Variants in COL4A4 observed in about 807,000 individuals in gnomAD.
COL4A4 encodes collagen alpha-4(IV) chain.
Under a neutral mutation model 192.9 loss-of-function variants are expected in COL4A4, and 105 were observed. The observed-to-expected ratio is 0.54, with a 90% CI of 0.46 to 0.64. The LOEUF (loss-of-function observed/expected upper bound fraction) is 0.64. COL4A4 is among the 30% of genes least tolerant of loss of function. The pLI, the probability that COL4A4 is intolerant of heterozygous loss-of-function variation, is 0.00. For missense variants in COL4A4, 1,967 were observed against 2,169.3 expected (o/e 0.91, Z 1.85); for synonymous variants, 762 against 769.9 (o/e 0.99, Z 0.17).
chr2:227,078,924 A>G (rs2059179119), intron 24 of COL4A4, among the ~76,000 whole-genome samples: 1 of 152,190 alleles, frequency 6.6e-6, no homozygotes, highest in African/African-American at 2.4e-5. Flanking sequence ...AGTAAAATCA[A>G]TCCCCAGTTG....
chr2:226,976,693 G>A, the COL4A4 span, among the ~76,000 whole-genome samples: 1 of 152,142 alleles, frequency 6.6e-6, no homozygotes, highest in Non-Finnish European at 1.5e-5. Flanking sequence ...AGAAGGGAGG[G>A]TTAGGAGTAC....
chr2:227,050,314 T>C (rs1973810084), intron 33 of COL4A4, among the ~76,000 whole-genome samples, 183 bp from the exon 34 acceptor site: 1 of 152,246 alleles, frequency 6.6e-6, no homozygotes, highest in Non-Finnish European at 1.5e-5. Context: ...TTGATATAGC[T>C]TCTCCAGAAT....
At chr2:227,058,870 T>C (rs1035863640) in intron 28 of COL4A4, among the ~76,000 whole-genome samples, 1 of 151,908 alleles carries the variant, frequency 6.6e-6, no homozygotes, top group Non-Finnish European at 1.5e-5. Flanking sequence ...GAAAAGGATA[T>C]GAATCAGTGT....
chr2:227,125,912 C>T (rs2062058226), intron 4 of COL4A4, among the ~76,000 whole-genome samples: 1 of 152,154 alleles, frequency 6.6e-6, no homozygotes, highest in African/African-American at 2.4e-5. Flanking sequence ...AAGGCCGAGT[C>T]TAAGTGCCCA....
intron 23 of COL4A4, 142 bp downstream of exon 23, chr2:227,081,973 G>A: frequency 1.3e-6 from 1 of 778,688 alleles, no homozygotes; most frequent in Non-Finnish European, 2.3e-6. Context: ...CCTTATGAAG[G>A]GCAGGAAGTA....
the COL4A4 span, among the ~76,000 whole-genome samples, chr2:226,973,484 A>G: frequency 6.6e-6 from 1 of 152,196 alleles, no homozygotes; most frequent in African/African-American, 2.4e-5. Flanking sequence ...AACTGCCCCC[A>G]TTCTAAGATT....
downstream of COL4A4, among the ~76,000 whole-genome samples, chr2:227,000,183 C>A (rs1347669010): frequency 6.6e-6 from 1 of 152,134 alleles, no homozygotes; most frequent in Non-Finnish European, 1.5e-5. Flanking sequence ...AGAGGAGCAC[C>A]AAGGCCAACC....
Position 227,051,021 on chromosome 2 carries a change from C to A in COL4A4, c.3106G>T (p.Gly1036Cys). 6.2e-7 allele frequency: 1 copy of A among 1,614,194 alleles called. No individual in the cohort carries two copies. Among genetic ancestry groups the A allele is most frequent in the Non-Finnish European group, 8.5e-7 (1 of 1,180,026 alleles). Reference sequence around the variant, plus strand: ...GGAAAACCAATGAACCCTCTTAGACCAGTTGAGCCTGGAGGGCCTGGGGGT... The same window carrying A: ...GGAAAACCAATGAACCCTCTTAGACAAGTTGAGCCTGGAGGGCCTGGGGGT... ...PGPPGPPGSTGLRGFIGFPGL... is the reference protein window; with the variant it reads ...PGPPGPPGSTCLRGFIGFPGL... The change falls in exon 33 of 48, where the codon GGT becomes TGT. Residue 1036 changes from glycine (G) to cysteine (C), a missense_variant. Transcript: ENST00000396625.
intron 3 of COL4A4, 126 bp from the exon 4 acceptor site, chr2:227,140,364 C>G: frequency 1.3e-6 from 1 of 762,910 alleles, no homozygotes; most frequent in East Asian, 2.7e-5. Context: ...CTAATCATGA[C>G]ATATAAAAAG....
At chr2:227,054,545 G>A (rs1218656534) in intron 31 of COL4A4, 49 bp downstream of exon 31, 1 of 1,606,874 alleles carries the variant, frequency 6.2e-7, no homozygotes, top group Non-Finnish European at 8.5e-7. Flanking sequence ...TCTAGGTTTG[G>A]ATCAAATACC....
chr2:227,115,711 G>A (rs1486420188), intron 7 of COL4A4, among the ~76,000 whole-genome samples: 1 of 152,160 alleles, frequency 6.6e-6, no homozygotes, highest in Non-Finnish European at 1.5e-5. Flanking sequence ...CTTCTGATGG[G>A]AGATATTTAA....
intron 4 of COL4A4, among the ~76,000 whole-genome samples, chr2:227,134,902 T>G (rs1407638325): frequency 1.3e-5 from 2 of 152,198 alleles, no homozygotes; most frequent in African/African-American, 4.8e-5. Context: ...GAAAACAATA[T>G]GGGGAAAAAA....
chr2:227,002,316 A>G (rs1486076817), downstream of COL4A4, among the ~76,000 whole-genome samples: 1 of 152,174 alleles, frequency 6.6e-6, no homozygotes, highest in Non-Finnish European at 1.5e-5. Flanking sequence ...AAGTAACAAT[A>G]TCTTTGGTTT....
At chr2:227,000,582 T>C (rs1254259831), downstream of COL4A4, among the ~76,000 whole-genome samples, 3 of 152,086 alleles carry the variant, frequency 2.0e-5, no homozygotes, top group Non-Finnish European at 2.9e-5. Flanking sequence ...TGCTGGCAAA[T>C]GGGAGAACAA....
At chr2:227,022,929 T>G (rs930291836) in intron 43 of COL4A4, among the ~76,000 whole-genome samples, 3 of 152,016 alleles carry the variant, frequency 2.0e-5, no homozygotes, top group African/African-American at 7.3e-5. Flanking sequence ...GTCAGTAGTT[T>G]TTGGTTTGTT....
intron 4 of COL4A4, 48 bp from the exon 5 acceptor site, chr2:227,121,196 G>A (rs752961318): frequency 1.3e-6 from 2 of 1,598,412 alleles, no homozygotes; most frequent in Non-Finnish European, 1.7e-6. Flanking sequence ...CTTAATTACT[G>A]TCTTCTAACA....
At position 227,150,563 on chromosome 2, in the gene COL4A4, T is replaced by C. The variant is rs556086088; in HGVS notation, c.-101-2979A>G. 1.7e-4 allele frequency among the ~76,000 whole-genome samples: 26 copies of C among 152,292 alleles called. No individual in the cohort carries two copies. The South Asian group carries it at 5.2e-3, about 30-fold the overall frequency. On this transcript the variant is annotated intron_variant, in intron 1 of 47. Transcript: ENST00000396625. The stretch of plus-strand genomic sequence containing the variant: ...TTGTATTAGTCCATTCTCAAGCTGC[T>C]AAGAAGAAATACCTGAGACTGGGTA...
At chr2:227,066,574 A>T (rs1264896468) in intron 25 of COL4A4, among the ~76,000 whole-genome samples, 25 of 152,238 alleles carry the variant, frequency 1.6e-4, no homozygotes, top group Non-Finnish European at 2.8e-4. Context: ...ACATTCTCAA[A>T]GAAAAGAATT....
At chr2:227,129,324 C>T (rs1225657026) in intron 4 of COL4A4, among the ~76,000 whole-genome samples, 1 of 152,042 alleles carries the variant, frequency 6.6e-6, no homozygotes, top group Non-Finnish European at 1.5e-5. Flanking sequence ...TAATTAATGA[C>T]TAAATAACGT....
Sources: gnomAD v4.1 joint callset for allele counts (sites outside exome capture counted in the v4.1 genomes callset) on GRCh38, gnomAD v4.1.1 for gene constraint, MANE v1.5 for transcripts, NCBI Gene and HGNC (gene_info 2026-07-23, HGNC 2026-07-21) for gene names.